The following CLTC variants were observed in gnomAD, a reference collection of about 807,000 sequenced individuals.
CLTC encodes clathrin heavy chain 1.
In CLTC, 16 loss-of-function variants were observed where a neutral mutation model predicts 195.8. The ratio of observed to expected loss-of-function variants is 0.08; its 90% CI spans 0.06 to 0.12. The LOEUF (loss-of-function observed/expected upper bound fraction) is 0.12, where lower values mean the gene tolerates loss of function less well. Among genes scored for constraint, CLTC ranks in the 10% least tolerant of loss-of-function variants. The pLI, the probability that CLTC is intolerant of heterozygous loss-of-function variation, is 1.00. For missense variants in CLTC, 796 were observed against 2,027.0 expected (o/e 0.39, Z 11.66); for synonymous variants, 667 against 689.4 (o/e 0.97, Z 0.51).
intron 6 of CLTC, among the ~76,000 whole-genome samples, chr17:59,657,767 C>CA (rs995771746): frequency 0.03 from 1,801 of 60,230 alleles, 16 homozygotes; most frequent in Non-Finnish European, 0.042. Flanking sequence ...GACTCTGTCT[C>CA]AAAAAAAAAA....
At chr17:59,692,908 G>A (rs2033340756) in intron 31 of CLTC, among the ~76,000 whole-genome samples, 1 of 152,126 alleles carries the variant, frequency 6.6e-6, no homozygotes, top group Admixed American at 6.5e-5. Flanking sequence ...ACGGTGCTGG[G>A]ATTACAGGCG....
Position 59,694,541 on chromosome 17 carries a change from G to A in CLTC, c.*689G>A. ...GCCCTTATGTTGTGCTGTATCCTGT[G>A]CTTTTTCTGTGGGACCATTCCATTC... On this transcript the variant is annotated 3_prime_UTR_variant, in exon 32 of 32. Transcript: ENST00000269122. 1 of 227,640 alleles carries A rather than the reference G, an allele frequency of 4.4e-6. No individual in the cohort carries two copies. The highest frequency in any genetic ancestry group is 8.7e-6 in the Non-Finnish European group (1 of 114,308). The allele number at this position is 227,640 out of a possible 1,614,324, so 14.1% of individuals were successfully genotyped here.
rs1241364467 is a variant in CLTC at position 59,683,836 on chromosome 17, A to G, written c.4324-39A>G. On this transcript the variant is annotated intron_variant, in intron 27 of 31. Transcript: ENST00000269122. The surrounding 1 kb of genome is among the most constrained non-coding windows in gnomAD (Gnocchi z 6.1). Reference sequence around the variant, plus strand: ...GATAACTTTTGTCCCTGGGACTTCAATAATGTGCTATATTTGTAACAAACT... The same window carrying G: ...GATAACTTTTGTCCCTGGGACTTCAGTAATGTGCTATATTTGTAACAAACT... The G allele has an allele frequency of 1.2e-6, 2 of 1,610,552 alleles. No individual in the cohort carries two copies. The highest frequency in any genetic ancestry group is 1.3e-5 in the African/African-American group (1 of 74,830).
At chr17:59,661,808 A>AT in intron 8 of CLTC, among the ~76,000 whole-genome samples, 165 bp downstream of exon 8, 1 of 152,186 alleles carries the variant, frequency 6.6e-6, no homozygotes, top group South Asian at 2.1e-4. Flanking sequence ...TTTTGAAAAA[A>AT]TATATATTTT....
chr17:59,659,813 C>A (rs997542154), intron 6 of CLTC, among the ~76,000 whole-genome samples: 7 of 151,942 alleles, frequency 4.6e-5, no homozygotes, highest in Admixed American at 4.6e-4. Context: ...AGTGGTCCCT[C>A]CCTTCATTGA....
In CLTC at chr17:59,681,430, A is replaced by G; in HGVS notation, c.3201A>G (p.Glu1067=). Residue 1067 remains glutamate (E), a synonymous_variant, in exon 20 of 32, where the codon GAA becomes GAG. Coordinates refer to ENST00000269122, the MANE Select transcript of CLTC (RefSeq NM_004859.4). This position sits in a 1 kb window ranked among gnomAD's most constrained non-coding sequence, Gnocchi z 5.0. The part of the protein sequence containing the change: ...NIAISNELFE[E]AFAIFRKFDV... ...CCATCAGCAATGAGCTGTTTGAAGA[A>G]GCATTTGCCATTTTCCGGAAATTTG... 2 of 1,614,108 alleles carry G rather than the reference A, an allele frequency of 1.2e-6. No individual in the cohort carries two copies. The highest frequency in any genetic ancestry group is 1.7e-6 in the Non-Finnish European group (2 of 1,179,994).
In CLTC at chr17:59,668,928, G is replaced by T; in HGVS notation, c.2280G>T (p.Lys760Asn). 6.2e-7 allele frequency: 1 copy of T among 1,608,662 alleles called. No individual in the cohort carries two copies. The highest frequency in any genetic ancestry group is 1.1e-5 in the South Asian group (1 of 90,046). Residue 760 changes from lysine (K) to asparagine (N), a missense_variant, in exon 14 of 32, where the codon AAG (lysine) becomes AAT (asparagine). Physicochemically the swap from Lys to Asn is moderately conservative, Grantham distance 94. Around this residue, in one of 9 missense-constraint regions of CLTC, gnomAD observed 160 missense variants for 448.2 expected, o/e 0.36. Transcript: ENST00000269122. ...ACTGCTACGATCCTGAGCGAGTCAAGAATTTTCTTAAGGTAAGTGGTTTTG... is the reference window on the plus strand; with the variant it reads ...ACTGCTACGATCCTGAGCGAGTCAATAATTTTCTTAAGGTAAGTGGTTTTG... ...ESNCYDPERVKNFLKEAKLTD... is the reference protein window; with the variant it reads ...ESNCYDPERVNNFLKEAKLTD...
At chr17:59,647,007 T>C (rs1347001298) in intron 2 of CLTC, among the ~76,000 whole-genome samples, 1 of 152,242 alleles carries the variant, frequency 6.6e-6, no homozygotes, top group East Asian at 1.9e-4. Context: ...GTGTTTGTTA[T>C]CAGAGTTGCT....
At chr17:59,646,800 T>C (rs1234889157) in intron 2 of CLTC, among the ~76,000 whole-genome samples, 5 of 152,204 alleles carry the variant, frequency 3.3e-5, no homozygotes, top group Non-Finnish European at 7.3e-5. Context: ...TCTTCCTTTG[T>C]CTCCCTCTCC....
chr17:59,621,437 A>C (rs1455407288), intron 1 of CLTC, among the ~76,000 whole-genome samples: 27 of 152,214 alleles, frequency 1.8e-4, no homozygotes, highest in Admixed American at 1.8e-3. Flanking sequence ...ACCATTGAAG[A>C]CCATTTTTAT....
chr17:59,664,957 T>C (rs759813656), intron 10 of CLTC, 48 bp downstream of exon 10: 14 of 1,601,194 alleles, frequency 8.7e-6, no homozygotes, highest in Non-Finnish European at 1.2e-5. Flanking sequence ...AAATGGAGAG[T>C]GGGGGCCAGC....
intron 15 of CLTC, 90 bp from the exon 16 acceptor site, chr17:59,674,611 G>A (rs999890069): frequency 1.7e-6 from 2 of 1,206,946 alleles, no homozygotes; most frequent in Non-Finnish European, 1.1e-6. Context: ...AAAAAACTGA[G>A]CTTAAAAGCG....
At chr17:59,662,892 C>A (rs1567955587) in intron 8 of CLTC, among the ~76,000 whole-genome samples, 1 of 152,168 alleles carries the variant, frequency 6.6e-6, no homozygotes, top group Non-Finnish European at 1.5e-5. Flanking sequence ...CTAGGCAACA[C>A]AGCGAGACCT....
chr17:59,681,937 C>A lies in CLTC; in HGVS notation c.3442+98C>A. The A allele has an allele frequency of 8.9e-7, 1 of 1,117,392 alleles. No homozygotes were observed. Among genetic ancestry groups the A allele is most frequent in the Non-Finnish European group, 1.3e-6 (1 of 792,494 alleles). 69.2% of individuals were successfully genotyped at this position (1,117,392 alleles called of 1,614,324 possible). On this transcript the variant is annotated intron_variant, in intron 21 of 31. Transcript: ENST00000269122. The surrounding 1 kb of genome is among the most constrained non-coding windows in gnomAD (Gnocchi z 5.0). The stretch of plus-strand genomic sequence containing the variant: ...TGAATTTTAGAAGAGTTGGATACTG[C>A]ATGGTTTCTTTTAGTGCTCCATCTT...
At chr17:59,640,723 C>T (rs978769487) in intron 1 of CLTC, among the ~76,000 whole-genome samples, 1 of 151,734 alleles carries the variant, frequency 6.6e-6, no homozygotes, top group African/African-American at 2.4e-5. Context: ...TTTTTCCTCA[C>T]AATTAGGAAG....
rs746336150 is a variant in CLTC at position 59,648,226 on chromosome 17, T to A, written c.520-14T>A. ...TATGGGTCTTCAAACGTTATTCTCT[T>A]TGATCCTTTATAGCAAAATCGTGTG... On this transcript the variant is annotated splice_polypyrimidine_tract_variant and intron_variant, in intron 3 of 31. Transcript: ENST00000269122. The surrounding 1 kb of genome is among the most constrained non-coding windows in gnomAD (Gnocchi z 4.5). 6.2e-7 allele frequency: 1 copy of A among 1,600,258 alleles called. No individual in the cohort carries two copies. The highest frequency in any genetic ancestry group is 8.5e-7 in the Non-Finnish European group (1 of 1,173,272).
intron 14 of CLTC, among the ~76,000 whole-genome samples, chr17:59,671,554 T>C (rs1170545788): frequency 2.0e-5 from 3 of 152,196 alleles, no homozygotes; most frequent in Non-Finnish European, 4.4e-5. Flanking sequence ...CAGGATAAAA[T>C]TGTGTCATTA....
Position 59,648,553 on chromosome 17 carries a change from T to C in CLTC, c.681+152T>C. ...ACTTAATTTGTTCAAATTTTGCATCTAGTGATACTTGTCTAAAATGAATAA... is the reference window on the plus strand; with the variant it reads ...ACTTAATTTGTTCAAATTTTGCATCCAGTGATACTTGTCTAAAATGAATAA... On this transcript the variant is annotated intron_variant, in intron 4 of 31. Transcript: ENST00000269122. The surrounding 1 kb of genome is among the most constrained non-coding windows in gnomAD (Gnocchi z 4.5). 3.0e-6 allele frequency: 2 copies of C among 672,606 alleles called. No homozygotes were observed. Among genetic ancestry groups the C allele is most frequent in the South Asian group, 2.1e-5 (1 of 47,198 alleles). 41.7% of individuals were successfully genotyped at this position (672,606 alleles called of 1,614,324 possible). A position where few individuals can be genotyped will look rare whatever the true frequency, so the allele number is the denominator to read the frequency against.
Position 59,644,387 on chromosome 17 carries a change from A to G in CLTC, c.154A>G (p.Ile52Val). 6.2e-7 allele frequency: 1 copy of G among 1,614,146 alleles called. No homozygotes were observed. Among genetic ancestry groups the G allele is most frequent in the Non-Finnish European group, 8.5e-7 (1 of 1,180,004 alleles). ...AGTAGGAGAGCAGGCCCAGGTGGTA[A>G]TCATTGATATGAATGACCCAAGTAA... ...EKVGEQAQVV[I>V]IDMNDPSNPI... Residue 52 changes from isoleucine to valine, a missense_variant, in exon 2 of 32, where the codon ATC becomes GTC. By Grantham distance (29) the Ile-to-Val change is conservative. Coordinates refer to ENST00000269122, the MANE Select transcript of CLTC (RefSeq NM_004859.4).
Sources: allele counts gnomAD v4.1 joint callset (sites outside exome capture counted in the v4.1 genomes callset), GRCh38; gene constraint gnomAD v4.1.1; regional missense constraint gnomAD v4.1.1; non-coding constraint Gnocchi (gnomAD v3.1); transcripts MANE v1.5; gene names NCBI Gene and HGNC (gene_info 2026-07-23, HGNC 2026-07-21).